HRH1: variants seen among roughly 807,000 people sequenced by gnomAD.
HRH1 encodes the protein histamine receptor H1, also known as histamine H1 receptor.
In HRH1, 6 loss-of-function variants were observed where a neutral mutation model predicts 10.3. The ratio of observed to expected loss-of-function variants is 0.58; its 90% CI spans 0.32 to 1.15. HRH1 has a LOEUF of 1.15. HRH1 is among the 50% of genes most tolerant of loss of function. HRH1 has a pLI of 0.05. For synonymous variants in HRH1, 242 were observed against 236.7 expected, an observed-to-expected ratio of 1.02 and a Z score of -0.21; for missense variants, 514 against 615.3, an observed-to-expected ratio of 0.84 and a Z score of 1.74.
At chr3:11,228,963 A>G (rs1172022423) in intron 1 of HRH1, among the ~76,000 whole-genome samples, 2 of 152,080 alleles carry the variant, frequency 1.3e-5, no homozygotes, top group African/African-American at 4.8e-5. Flanking sequence ...AGAGATATGG[A>G]AACAATACTG....
At chr3:11,209,131 G>C (rs1159557168) in intron 1 of HRH1, among the ~76,000 whole-genome samples, 1 of 152,174 alleles carries the variant, frequency 6.6e-6, no homozygotes, top group African/African-American at 2.4e-5. Context: ...TTGCTCTGCT[G>C]TCCAGGCTGG....
At chr3:11,227,347 C>T (rs527273002) in intron 1 of HRH1, among the ~76,000 whole-genome samples, 6 of 151,386 alleles carry the variant, frequency 4.0e-5, no homozygotes, top group South Asian at 4.2e-4. Flanking sequence ...AGTGCCGTGA[C>T]GTGATATCAG....
chr3:11,239,500 C>T (rs982146296), intron 1 of HRH1, among the ~76,000 whole-genome samples: 1 of 152,056 alleles, frequency 6.6e-6, no homozygotes, highest in Non-Finnish European at 1.5e-5. Context: ...CTCTTGAAAC[C>T]CAAAAGTTTC....
intron 1 of HRH1, among the ~76,000 whole-genome samples, chr3:11,166,768 C>T (rs1369516892): frequency 6.9e-6 from 1 of 144,528 alleles, no homozygotes; most frequent in African/African-American, 2.5e-5. Context: ...ATCTGCTGTC[C>T]CCTGGCTTCT....
At position 11,241,505 on chromosome 3, in the gene HRH1, A is replaced by C. The variant is rs1939335124; in HGVS notation, c.-35-17498A>C. ...GGTAGCTAGGAGTGTAAAACGCACC[A>C]ATCAGCACTCTGTAGCTAGCAATGG... On this transcript the variant is annotated intron_variant, in intron 1 of 1. Transcript: ENST00000431010. 4.6e-5 allele frequency among the ~76,000 whole-genome samples: 7 copies of C among 152,092 alleles called. No individual in the cohort carries two copies. In the South Asian group the frequency reaches 1.5e-3, roughly 32 times the overall value.
At chr3:11,230,460 G>C (rs1043935159) in intron 1 of HRH1, among the ~76,000 whole-genome samples, 1 of 152,176 alleles carries the variant, frequency 6.6e-6, no homozygotes, top group Non-Finnish European at 1.5e-5. Context: ...CTGGATCCCA[G>C]TGTACGATAT....
intron 1 of HRH1, chr3:11,234,399 G>T (rs1575032504): frequency 6.2e-7 from 1 of 1,604,776 alleles, no homozygotes; most frequent in East Asian, 2.2e-5. Context: ...AGGCATTCCT[G>T]CATGGCCCGG....
At chr3:11,218,711 G>A (rs1273118631) in intron 1 of HRH1, among the ~76,000 whole-genome samples, 1 of 151,264 alleles carries the variant, frequency 6.6e-6, no homozygotes, top group Non-Finnish European at 1.5e-5. Context: ...GAGTAGCTGG[G>A]ATTATAGCGT....
intron 1 of HRH1, among the ~76,000 whole-genome samples, chr3:11,227,529 G>A (rs1406808372): frequency 6.6e-6 from 1 of 151,876 alleles, no homozygotes; most frequent in Non-Finnish European, 1.5e-5. Context: ...TAGGTGATCT[G>A]CCCACCTCAG....
At chr3:11,218,553 C>T (rs1316794944) in intron 1 of HRH1, among the ~76,000 whole-genome samples, 1 of 151,962 alleles carries the variant, frequency 6.6e-6, no homozygotes. Context: ...ATATGAGGAG[C>T]ACACAGCAAA....
chr3:11,204,848 A>G (rs1292236982), intron 1 of HRH1, among the ~76,000 whole-genome samples: 1 of 152,138 alleles, frequency 6.6e-6, no homozygotes, highest in Non-Finnish European at 1.5e-5. Flanking sequence ...AGGAGCCTGG[A>G]TGTACCAGGT....
intron 1 of HRH1, among the ~76,000 whole-genome samples, chr3:11,214,045 G>A (rs984594771): frequency 6.6e-6 from 1 of 152,126 alleles, no homozygotes; most frequent in Non-Finnish European, 1.5e-5. Flanking sequence ...GTTTGTGGAA[G>A]GGTGGTATGG....
At chr3:11,186,213 C>G (rs945754357) in intron 1 of HRH1, among the ~76,000 whole-genome samples, 11 of 152,256 alleles carry the variant, frequency 7.2e-5, no homozygotes, top group Admixed American at 6.5e-4. Context: ...GAGTTCTATA[C>G]CTCTGGGATG....
upstream of HRH1, among the ~76,000 whole-genome samples, chr3:11,154,296 G>A (rs1044254929): frequency 6.6e-6 from 1 of 152,010 alleles, no homozygotes; most frequent in African/African-American, 2.4e-5. This position sits in a 1 kb window ranked among gnomAD's most constrained non-coding sequence, Gnocchi z 4.4. Context: ...GTGTCCGAGC[G>A]AGAGGCGCGC....
chr3:11,149,918 T>G (rs1171552104), upstream of HRH1, among the ~76,000 whole-genome samples: 1 of 152,110 alleles, frequency 6.6e-6, no homozygotes, highest in Non-Finnish European at 1.5e-5. Flanking sequence ...AGCCAATTGG[T>G]CCAGCCTCCT....
At chr3:11,251,492 T>G (rs991086100) in intron 1 of HRH1, among the ~76,000 whole-genome samples, 1 of 152,210 alleles carries the variant, frequency 6.6e-6, no homozygotes, top group Non-Finnish European at 1.5e-5. Context: ...GACCAGTCAT[T>G]AGGTAGGGTG....
intron 1 of HRH1, among the ~76,000 whole-genome samples, chr3:11,198,514 G>A (rs894265538): frequency 6.6e-6 from 1 of 152,120 alleles, no homozygotes; most frequent in Non-Finnish European, 1.5e-5. Context: ...TGGATTAGAG[G>A]TGCAGGTAAA....
chr3:11,170,656 G>A (rs1347717459), intron 1 of HRH1, among the ~76,000 whole-genome samples: 1 of 152,218 alleles, frequency 6.6e-6, no homozygotes, highest in Non-Finnish European at 1.5e-5. Context: ...TTCAAGATCG[G>A]TATCATAGTC....
At chr3:11,219,655 G>T (rs1346323202) in intron 1 of HRH1, among the ~76,000 whole-genome samples, 1 of 141,376 alleles carries the variant, frequency 7.1e-6, no homozygotes, top group Non-Finnish European at 1.5e-5. Flanking sequence ...GGAGCTTGCA[G>T]TGAACTGAGT....
Sources: gnomAD v4.1 joint callset for allele counts (sites outside exome capture counted in the v4.1 genomes callset) on GRCh38, gnomAD v4.1.1 for gene constraint, Gnocchi (gnomAD v3.1) non-coding constraint, MANE v1.5 for transcripts, NCBI Gene and HGNC (gene_info 2026-07-23, HGNC 2026-07-21) for gene names.